PDE4A: variants seen among roughly 807,000 people sequenced by gnomAD.
PDE4A encodes phosphodiesterase 4A.
PDE4A carries 21 observed loss-of-function variants against 73.9 expected under a neutral mutation model. That is an observed-to-expected ratio of 0.28 (90% CI 0.20 to 0.41). PDE4A has a LOEUF of 0.41. Among genes scored for constraint, PDE4A ranks in the 10% least tolerant of loss-of-function variants. The pLI is 1.00. For missense variants in PDE4A, 958 were observed against 1,211.4 expected (o/e 0.79, Z 3.10); for synonymous variants, 463 against 505.4 (o/e 0.92, Z 1.13).
upstream of PDE4A, chr19:10,417,144 T>G: frequency 1.0e-6 from 1 of 983,642 alleles, no homozygotes; most frequent in Non-Finnish European, 1.2e-6. Context: ...CCCCCTTGAT[T>G]CCATTTTTTC....
intron 1 of PDE4A, among the ~76,000 whole-genome samples, chr19:10,422,908 C>G (rs2042669078): frequency 6.6e-6 from 1 of 152,060 alleles, no homozygotes; most frequent in African/African-American, 2.4e-5. Context: ...GGTTCCAGGC[C>G]CCATTTCTTT....
chr19:10,446,306 G>T lies in PDE4A; in HGVS notation c.409G>T (p.Ala137Ser). Residue 137 changes from alanine (A) to serine (S), a missense_variant, in exon 2 of 15, where the codon GCG (alanine) becomes TCG (serine). Ala to Ser is a moderately conservative substitution (Grantham distance 99). This residue lies in a region of PDE4A where 570 missense variants were observed against 827.7 expected (regional missense o/e 0.69). Coordinates refer to ENST00000380702, the MANE Select transcript of PDE4A (RefSeq NM_001111307.2). ...CCCAGGACTCGTGCTGCACGCCGGGGCGGCCACCAGCCAGCGCCGGGAGTC... is the reference window on the plus strand; with the variant it reads ...CCCAGGACTCGTGCTGCACGCCGGGTCGGCCACCAGCCAGCGCCGGGAGTC... Reference protein sequence around the residue: ...ASPGLVLHAGAATSQRRESFL... With the variant: ...ASPGLVLHAGSATSQRRESFL... The T allele has an allele frequency of 6.2e-7, 1 of 1,612,720 alleles. No individual in the cohort carries two copies. Among genetic ancestry groups the T allele is most frequent in the South Asian group, 1.1e-5 (1 of 90,902 alleles).
rs962493442 is a variant in PDE4A, at chr19:10,449,113, T to C, written c.583T>C (p.Phe195Leu). The C allele has an allele frequency of 5.0e-6, 8 of 1,613,652 alleles. No individual in the cohort carries two copies. Among genetic ancestry groups the C allele is most frequent in the Non-Finnish European group, 6.8e-6 (8 of 1,179,842 alleles). ...CAGCCTCCGGAGCGTCCGTAGCAAC[T>C]TCTCACTCCTGACCAATGTGCCCGT... ...LASLRSVRSN[F>L]SLLTNVPVPS... The change falls in exon 4 of 15, where the codon TTC (phenylalanine) becomes CTC (leucine). Residue 195 changes from phenylalanine to leucine, a missense_variant. Physicochemically the swap from Phe to Leu is conservative, Grantham distance 22 (BLOSUM62 0). Around this residue, in one of 3 missense-constraint regions of PDE4A, gnomAD observed 570 missense variants for 827.7 expected, o/e 0.69. Transcript: ENST00000380702.
chr19:10,439,982 CTTTT>C (rs1162121051), intron 1 of PDE4A, among the ~76,000 whole-genome samples: 2 of 114,044 alleles, frequency 1.8e-5, no homozygotes, highest in African/African-American at 3.6e-5. Context: ...ATGGTATCTC[CTTTT>C]TTTTTTTTTT....
intron 4 of PDE4A, among the ~76,000 whole-genome samples, chr19:10,449,401 A>C (rs2043059356): frequency 6.6e-6 from 1 of 151,976 alleles, no homozygotes; most frequent in African/African-American, 2.4e-5. Flanking sequence ...ACTCTGTCAC[A>C]CAGGCTGGAG....
At chr19:10,428,180 C>G (rs1179304060) in intron 1 of PDE4A, among the ~76,000 whole-genome samples, 1 of 151,988 alleles carries the variant, frequency 6.6e-6, no homozygotes, top group Non-Finnish European at 1.5e-5. Flanking sequence ...AGGAAAACCC[C>G]ATCTCTAGAA....
chr19:10,420,889 G>A lies in PDE4A; in HGVS notation c.125G>A (p.Arg42His), dbSNP rs1481768577. The change falls in exon 1 of 15, where the codon CGT becomes CAT. Residue 42 changes from arginine (R) to histidine (H), a missense_variant. Arg to His is a conservative substitution (Grantham distance 29). Transcript: ENST00000380702. The surrounding 1 kb of genome is among the most constrained non-coding windows in gnomAD (Gnocchi z 6.0). ...TGGCGGCAGCCTCGGACCCCCATCC[G>A]TATCCAGCAGCGCGGCTACTCCGAC... Reference protein sequence around the residue: ...HLWRQPRTPIRIQQRGYSDSA... With the variant: ...HLWRQPRTPIHIQQRGYSDSA... The A allele has an allele frequency of 3.8e-6, 6 of 1,588,676 alleles. No individual in the cohort carries two copies. Among genetic ancestry groups the A allele is most frequent in the South Asian group, 2.2e-5 (2 of 89,306 alleles).
At chr19:10,423,559 G>A (rs942438255) in intron 1 of PDE4A, among the ~76,000 whole-genome samples, 3 of 152,316 alleles carry the variant, frequency 2.0e-5, no homozygotes, top group East Asian at 3.9e-4. Flanking sequence ...CTTTGTATAA[G>A]TGTCTTGCCC....
intron 1 of PDE4A, among the ~76,000 whole-genome samples, chr19:10,445,063 C>A (rs992507536): frequency 3.9e-5 from 6 of 152,144 alleles, no homozygotes; most frequent in Non-Finnish European, 7.3e-5. Context: ...GGGACAGGAC[C>A]TGTGAGCTGC....
At chr19:10,442,676 C>T (rs1314220341) in intron 1 of PDE4A, among the ~76,000 whole-genome samples, 1 of 151,512 alleles carries the variant, frequency 6.6e-6, no homozygotes, top group Non-Finnish European at 1.5e-5. Flanking sequence ...ATTACTATTA[C>T]TATTATTACC....
chr19:10,423,790 G>C (rs1363487483), intron 1 of PDE4A, among the ~76,000 whole-genome samples: 1 of 152,188 alleles, frequency 6.6e-6, no homozygotes, highest in Non-Finnish European at 1.5e-5. Flanking sequence ...ACATCCCCAC[G>C]TAGACTCGGG....
chr19:10,457,436 G>C (rs944812040), intron 7 of PDE4A, among the ~76,000 whole-genome samples: 8 of 93,430 alleles, frequency 8.6e-5, no homozygotes, highest in African/African-American at 1.7e-4. Context: ...GTGGGCGGGG[G>C]GGGGGGGGGG....
chr19:10,447,637 G>T (rs2043028321), intron 2 of PDE4A, among the ~76,000 whole-genome samples: 1 of 151,950 alleles, frequency 6.6e-6, no homozygotes, highest in South Asian at 2.1e-4. Flanking sequence ...CCAAAGTGCT[G>T]GGATTGCAGG....
chr19:10,417,215 G>T (rs971764591), upstream of PDE4A: 5 of 971,704 alleles, frequency 5.1e-6, no homozygotes, highest in Non-Finnish European at 1.2e-6. Flanking sequence ...CTTCTCAAAT[G>T]AGGAGAGGAT....
At chr19:10,438,731 C>T (rs1014777108) in intron 1 of PDE4A, among the ~76,000 whole-genome samples, 5 of 152,064 alleles carry the variant, frequency 3.3e-5, no homozygotes, top group Admixed American at 6.6e-5. Flanking sequence ...CCTCAGCCTC[C>T]GAGTAGCTGG....
chr19:10,466,810 A>G lies in PDE4A; in HGVS notation c.1927-77A>G, dbSNP rs1416619349. The G allele has an allele frequency of 7.8e-6, 12 of 1,531,330 alleles. No individual in the cohort carries two copies. In the East Asian group the frequency reaches 1.1e-4, roughly 14 times the overall value. 94.9% of individuals were successfully genotyped at this position (1,531,330 alleles called of 1,614,324 possible). On this transcript the variant is annotated intron_variant, in intron 14 of 14. Transcript: ENST00000380702. ...TGCCCGGCCCATAAGCATGTTTTTC[A>G]TTTCATTAGCTCCCATAATGTGGTG...
intron 1 of PDE4A, among the ~76,000 whole-genome samples, chr19:10,421,729 T>G (rs1456929139): frequency 1.3e-5 from 2 of 151,674 alleles, no homozygotes; most frequent in Non-Finnish European, 1.5e-5. Context: ...CAGGAAACAG[T>G]GGAGGGGGGG....
At chr19:10,418,802 C>G, upstream of PDE4A, 1 of 985,336 alleles carries the variant, frequency 1.0e-6, no homozygotes. Context: ...CAGCATACCC[C>G]GCCAAGAATT....
At position 10,467,676 on chromosome 19, in the gene PDE4A, C is replaced by T. The variant is rs1173874027; in HGVS notation, c.*55C>T. The stretch of plus-strand genomic sequence containing the variant: ...ACTCCTCCCCTCACTCCCCTGCTCC[C>T]CCGACCACCTCCTCCTCTGCCTCAA... On this transcript the variant is annotated 3_prime_UTR_variant, in exon 15 of 15. Coordinates refer to ENST00000380702, the MANE Select transcript of PDE4A (RefSeq NM_001111307.2). 2 of 1,334,240 alleles carry T rather than the reference C, an allele frequency of 1.5e-6. No homozygotes were observed. Among genetic ancestry groups the T allele is most frequent in the Non-Finnish European group, 2.1e-6 (2 of 975,386 alleles). The allele number at this position is 1,334,240 out of a possible 1,614,324, so 82.7% of individuals were successfully genotyped here. A position where few individuals can be genotyped will look rare whatever the true frequency, so the allele number is the denominator to read the frequency against.
Sources: gnomAD v4.1 joint callset for allele counts (sites outside exome capture counted in the v4.1 genomes callset) on GRCh38, gnomAD v4.1.1 for gene constraint, gnomAD v4.1.1 regional missense constraint, Gnocchi (gnomAD v3.1) non-coding constraint, MANE v1.5 for transcripts, NCBI Gene and HGNC (gene_info 2026-07-23, HGNC 2026-07-21) for gene names.